Variants in TAFA1 observed in about 807,000 individuals in gnomAD.
The protein encoded by TAFA1 is chemokine-like protein TAFA-1.
TAFA1 carries 4 observed loss-of-function variants against 18.5 expected under a neutral mutation model. The observed-to-expected ratio is 0.22, with a 90% CI of 0.11 to 0.49. The LOEUF (loss-of-function observed/expected upper bound fraction) is 0.49. Among genes scored for constraint, TAFA1 ranks in the 20% least tolerant of loss-of-function variants. The pLI is 0.98. For missense variants in TAFA1, 147 were observed against 169.0 expected, an observed-to-expected ratio of 0.87 and a Z score of 0.72; for synonymous variants, 56 against 55.2, an observed-to-expected ratio of 1.01 and a Z score of -0.06.
In TAFA1 at chr3:68,490,853, G is replaced by T. The variant is rs529184949; in HGVS notation, c.260-47903G>T. On this transcript the variant is annotated intron_variant, in intron 3 of 4. Transcript: ENST00000478136. Reference sequence around the variant, plus strand: ...TTTCTTTTTTTTCTTTTTTTTTTGTGGGGGGGACAGGGTCTTACTCTGTCA... The same window carrying T: ...TTTCTTTTTTTTCTTTTTTTTTTGTTGGGGGGACAGGGTCTTACTCTGTCA... 3.9e-3 allele frequency among the ~76,000 whole-genome samples: 547 copies of T among 138,592 alleles called. 2 individuals carry two copies. The highest frequency in any genetic ancestry group is 0.012 in the African/African-American group (447 of 37,880). The allele number at this position is 138,592 out of a possible 152,430, so 90.9% of individuals were successfully genotyped here.
intron 2 of TAFA1, among the ~76,000 whole-genome samples, chr3:68,403,459 C>T (rs1249483331): frequency 6.6e-6 from 1 of 152,218 alleles, no homozygotes; most frequent in Non-Finnish European, 1.5e-5. Flanking sequence ...CAGGCACCGT[C>T]TAAAACGGGT....
At chr3:68,184,260 G>A (rs769120056) in intron 2 of TAFA1, among the ~76,000 whole-genome samples, 3 of 152,042 alleles carry the variant, frequency 2.0e-5, no homozygotes, top group African/African-American at 4.8e-5. Flanking sequence ...GGATGGATAC[G>A]GTAATGAAAT....
At chr3:68,221,359 C>T (rs1273553782) in intron 2 of TAFA1, among the ~76,000 whole-genome samples, 1 of 152,122 alleles carries the variant, frequency 6.6e-6, no homozygotes, top group African/African-American at 2.4e-5. Flanking sequence ...TATTCCTCCT[C>T]TTATCTGGAT....
intron 2 of TAFA1, among the ~76,000 whole-genome samples, chr3:68,415,524 A>G (rs2070814380): frequency 2.0e-5 from 3 of 152,148 alleles, no homozygotes; most frequent in African/African-American, 7.2e-5. Flanking sequence ...AGGAGTGAGT[A>G]TTCCAGAAGA....
intron 2 of TAFA1, among the ~76,000 whole-genome samples, chr3:68,185,362 G>A (rs1428450024): frequency 1.3e-5 from 2 of 152,080 alleles, no homozygotes; most frequent in African/African-American, 4.8e-5. Context: ...GAGAGTAGAA[G>A]TTTGTGGTAT....
intron 3 of TAFA1, among the ~76,000 whole-genome samples, chr3:68,466,511 G>A (rs543951739): frequency 2.6e-5 from 4 of 152,104 alleles, no homozygotes; most frequent in African/African-American, 7.2e-5. Flanking sequence ...GAAGGTTAAC[G>A]ACCTGCCAAA....
chr3:68,262,476 G>T (rs1415687788), intron 2 of TAFA1, among the ~76,000 whole-genome samples: 1 of 150,498 alleles, frequency 6.6e-6, no homozygotes, highest in Non-Finnish European at 1.5e-5. Context: ...TTGTTCCTAT[G>T]TTTATATCCA....
intron 2 of TAFA1, among the ~76,000 whole-genome samples, chr3:68,147,899 C>T (rs1368015941): frequency 6.6e-6 from 1 of 152,118 alleles, no homozygotes; most frequent in East Asian, 1.9e-4. Flanking sequence ...AAATGATGTG[C>T]CAAACACATA....
At chr3:68,022,698 A>G (rs1033385139) in intron 2 of TAFA1, among the ~76,000 whole-genome samples, 6 of 151,450 alleles carry the variant, frequency 4.0e-5, no homozygotes, top group African/African-American at 1.5e-4. Context: ...GGGAAAATGC[A>G]TTGGTTTATC....
intron 2 of TAFA1, among the ~76,000 whole-genome samples, chr3:68,297,734 T>C (rs2068235136): frequency 6.7e-6 from 1 of 150,358 alleles, no homozygotes; most frequent in African/African-American, 2.5e-5. Flanking sequence ...TTCTGATCAT[T>C]CATTTTTTTT....
chr3:68,217,312 C>A (rs184578389), intron 2 of TAFA1, among the ~76,000 whole-genome samples: 17 of 151,830 alleles, frequency 1.1e-4, no homozygotes, highest in Admixed American at 1.1e-3. Context: ...CCCCCAAACC[C>A]ATAATCCCAG....
At position 68,228,288 on chromosome 3, in the gene TAFA1, G is replaced by A. The variant is rs988989376; in HGVS notation, c.119-188992G>A. On this transcript the variant is annotated intron_variant, in intron 2 of 4. Transcript: ENST00000478136. ...AGATGGGGTCTGGCTATGCTGCCCA[G>A]GCTGGAGTGAAGTGGCTTTTACAGG... Among the ~76,000 whole-genome samples, 3 of 152,052 alleles carry A rather than the reference G, an allele frequency of 2.0e-5. No individual in the cohort carries two copies. The East Asian group carries it at 5.8e-4, about 29-fold the overall frequency.
chr3:68,037,545 A>G (rs1323855787), intron 2 of TAFA1, among the ~76,000 whole-genome samples: 1 of 152,168 alleles, frequency 6.6e-6, no homozygotes, highest in East Asian at 1.9e-4. Context: ...TTTTCCAATG[A>G]CATTCTTTTA....
intron 2 of TAFA1, among the ~76,000 whole-genome samples, chr3:68,288,348 A>G (rs1378740200): frequency 3.4e-5 from 5 of 147,738 alleles, no homozygotes; most frequent in African/African-American, 1.2e-4. Flanking sequence ...TTGGGCTTGT[A>G]TTTGTGTTGA....
At chr3:68,448,392 T>A (rs926010186) in intron 3 of TAFA1, among the ~76,000 whole-genome samples, 2 of 152,172 alleles carry the variant, frequency 1.3e-5, no homozygotes, top group African/African-American at 4.8e-5. Context: ...CATCAGTGAG[T>A]CTAATAGAAA....
At chr3:68,160,008 C>A (rs1282501233) in intron 2 of TAFA1, among the ~76,000 whole-genome samples, 2 of 152,198 alleles carry the variant, frequency 1.3e-5, no homozygotes, top group African/African-American at 2.4e-5. Flanking sequence ...TTGGACTCTG[C>A]AAGCATCAAG....
intron 3 of TAFA1, among the ~76,000 whole-genome samples, chr3:68,526,309 T>A (rs1428974909): frequency 2.0e-5 from 3 of 152,234 alleles, no homozygotes; most frequent in Admixed American, 6.5e-5. Context: ...AAAGTCTTTT[T>A]CAGTGCTGGC....
intron 2 of TAFA1, among the ~76,000 whole-genome samples, chr3:68,166,449 C>T (rs972061662): frequency 1.3e-5 from 2 of 152,122 alleles, no homozygotes; most frequent in East Asian, 3.9e-4. Context: ...GAGTTAAGTC[C>T]TCTTTCCCCC....
chr3:68,071,373 C>T (rs2064753288), intron 2 of TAFA1, among the ~76,000 whole-genome samples: 2 of 152,242 alleles, frequency 1.3e-5, no homozygotes, highest in Non-Finnish European at 2.9e-5. Context: ...ATTCAACAAC[C>T]TCCCACCAGG....
Sources: allele counts gnomAD v4.1 joint callset (sites outside exome capture counted in the v4.1 genomes callset), GRCh38; gene constraint gnomAD v4.1.1; transcripts MANE v1.5; gene names NCBI Gene and HGNC (gene_info 2026-07-23, HGNC 2026-07-21).